Variants in CTNNA2 observed in about 807,000 individuals in gnomAD.
CTNNA2 encodes catenin alpha 2, also known as catenin alpha-2.
A neutral mutation model predicts 101.0 loss-of-function variants in CTNNA2; 42 were observed. The ratio of observed to expected loss-of-function variants is 0.42; its 90% CI spans 0.32 to 0.54. CTNNA2 has a LOEUF of 0.54. Ranked by LOEUF, CTNNA2 falls within the 20% of genes least tolerant of loss-of-function variation. The pLI is 0.14. For synonymous variants in CTNNA2, 450 were observed against 456.4 expected, an observed-to-expected ratio of 0.99 and a Z score of 0.18; for missense variants, 871 against 1,223.1, an observed-to-expected ratio of 0.71 and a Z score of 4.29.
In CTNNA2 at chr2:79,411,321, G is replaced by C. The variant is rs536281859; in HGVS notation, c.-135+37308G>C. ...TTCCTTCAGTTCTGCTCTGATTTTA[G>C]TTATTTCTTGCCTTCTGCTAGCTTT... On this transcript the variant is annotated intron_variant, in intron 4 of 21. Transcript: ENST00000466387. Among the ~76,000 whole-genome samples the C allele has an allele frequency of 1.9e-3, 294 of 151,902 alleles. 2 individuals carry two copies. Among genetic ancestry groups the C allele is most frequent in the African/African-American group, 6.6e-3 (274 of 41,440 alleles).
rs565644275 is a variant in CTNNA2 at position 79,711,296 on chromosome 2, A to G, written c.103-33091A>G. ...TATTGTTGACACTGCATTTTGCTCA[A>G]TGGTGTTGCCTCATCTCTTCTGCTA... On this transcript the variant is annotated intron_variant, in intron 2 of 18. Transcript: ENST00000402739. 5.3e-5 allele frequency among the ~76,000 whole-genome samples: 8 copies of G among 152,276 alleles called. No individual in the cohort carries two copies. In the South Asian group the frequency reaches 1.5e-3, roughly 28 times the overall value.
intron 2 of CTNNA2, among the ~76,000 whole-genome samples, chr2:79,742,499 A>T (rs910864953): frequency 1.3e-5 from 2 of 152,056 alleles, no homozygotes; most frequent in South Asian, 2.1e-4. Context: ...TGCTTAGGGG[A>T]CTTATGTGCT....
intron 6 of CTNNA2, 45 bp downstream of exon 6, chr2:79,874,387 G>GAAAA: frequency 2.0e-6 from 3 of 1,535,410 alleles, no homozygotes; most frequent in Admixed American, 4.1e-5. Flanking sequence ...CACTGGTGTT[G>GAAAA]ACAAAAAAAA....
chr2:80,160,894 GTT>G (rs551552772), intron 7 of CTNNA2, among the ~76,000 whole-genome samples: 2 of 144,770 alleles, frequency 1.4e-5, no homozygotes, highest in Non-Finnish European at 3.0e-5. Context: ...GTTGACTATA[GTT>G]TTTTTTTTTG....
chr2:79,980,224 T>C (rs1691160092), intron 7 of CTNNA2, among the ~76,000 whole-genome samples: 1 of 152,174 alleles, frequency 6.6e-6, no homozygotes, highest in African/African-American at 2.4e-5. Context: ...GGATTTGCAC[T>C]ACATTGGTCC....
chr2:79,406,349 C>T (rs1322496455), intron 4 of CTNNA2, among the ~76,000 whole-genome samples: 2 of 152,022 alleles, frequency 1.3e-5, no homozygotes, highest in African/African-American at 2.4e-5. Flanking sequence ...CACAACTCAA[C>T]ATGCAGGGCA....
chr2:80,431,846 C>A (rs2149426968), intron 9 of CTNNA2, among the ~76,000 whole-genome samples: 1 of 152,170 alleles, frequency 6.6e-6, no homozygotes, highest in South Asian at 2.1e-4. Flanking sequence ...AAATGACATT[C>A]TGTTATTAAC....
chr2:79,641,253 AAAGG>A (rs1265679551), intron 1 of CTNNA2, among the ~76,000 whole-genome samples: 1 of 152,182 alleles, frequency 6.6e-6, no homozygotes, highest in Non-Finnish European at 1.5e-5. Flanking sequence ...CAGTGAGACT[AAAGG>A]AAGGCAGTTT....
At chr2:79,475,546 C>A (rs994766490) in intron 4 of CTNNA2, among the ~76,000 whole-genome samples, 1 of 152,000 alleles carries the variant, frequency 6.6e-6, no homozygotes. Context: ...AAGAGATGAA[C>A]AAATCAAAAT....
rs529211974 is a variant in CTNNA2, at chr2:80,283,252, C to G, written c.1057-109959C>G. 4.6e-5 allele frequency among the ~76,000 whole-genome samples: 7 copies of G among 152,050 alleles called. No homozygotes were observed. In the East Asian group the frequency reaches 1.2e-3, roughly 25 times the overall value. ...AACCCTGTTTGGATTTTGACTCAAA[C>G]AAACTAAAGGTCAGGGTGCAGGGAG... is the stretch of plus-strand genomic sequence containing the variant. On this transcript the variant is annotated intron_variant, in intron 7 of 18. Coordinates refer to ENST00000402739, the MANE Select transcript of CTNNA2 (RefSeq NM_001282597.3).
chr2:80,213,155 A>G (rs890211175), intron 7 of CTNNA2, among the ~76,000 whole-genome samples: 3 of 151,862 alleles, frequency 2.0e-5, no homozygotes, highest in African/African-American at 7.3e-5. Flanking sequence ...TGATCTTTTC[A>G]AAAAACCAGC....
intron 2 of CTNNA2, among the ~76,000 whole-genome samples, chr2:79,236,728 G>A (rs953449497): frequency 3.9e-5 from 6 of 152,170 alleles, no homozygotes; most frequent in African/African-American, 1.2e-4. Flanking sequence ...TTCAATTGAT[G>A]CTGTTGTAGA....
chr2:79,807,455 T>C (rs1400297011), intron 3 of CTNNA2, among the ~76,000 whole-genome samples: 1 of 152,180 alleles, frequency 6.6e-6, no homozygotes, highest in African/African-American at 2.4e-5. Context: ...GCATCTTAAT[T>C]TTAAGCATTT....
intron 3 of CTNNA2, among the ~76,000 whole-genome samples, chr2:79,369,882 T>A (rs1211158191): frequency 2.0e-5 from 3 of 152,222 alleles, no homozygotes; most frequent in Admixed American, 6.5e-5. Context: ...CAGTTATAAT[T>A]GCTAGCGTGT....
chr2:79,900,865 G>A (rs1383499573), intron 6 of CTNNA2, among the ~76,000 whole-genome samples: 1 of 152,134 alleles, frequency 6.6e-6, no homozygotes, highest in Non-Finnish European at 1.5e-5. Flanking sequence ...CATTTACCCT[G>A]ATGTGATTAT....
At chr2:80,433,009 G>A (rs1681682574) in intron 9 of CTNNA2, among the ~76,000 whole-genome samples, 1 of 152,042 alleles carries the variant, frequency 6.6e-6, no homozygotes, top group Non-Finnish European at 1.5e-5. Context: ...TGGGGCAGTA[G>A]AGTACTTTAT....
At chr2:79,881,527 T>A (rs2104119741) in intron 6 of CTNNA2, among the ~76,000 whole-genome samples, 1 of 152,302 alleles carries the variant, frequency 6.6e-6, no homozygotes, top group East Asian at 1.9e-4. Context: ...TTAGAATAGT[T>A]AGCTTTTCTT....
At chr2:80,618,074 T>C (rs990354363) in intron 17 of CTNNA2, among the ~76,000 whole-genome samples, 3 of 151,862 alleles carry the variant, frequency 2.0e-5, no homozygotes, top group Non-Finnish European at 2.9e-5. Flanking sequence ...ATCAATAACT[T>C]TGAGTATTCT....
At chr2:79,468,823 G>A (rs963145630) in intron 4 of CTNNA2, among the ~76,000 whole-genome samples, 5 of 152,166 alleles carry the variant, frequency 3.3e-5, no homozygotes, top group Admixed American at 6.5e-5. Flanking sequence ...GATGTTCTTT[G>A]AAACCAGTGA....
Sources: gnomAD v4.1 joint callset for allele counts (sites outside exome capture counted in the v4.1 genomes callset) on GRCh38, gnomAD v4.1.1 for gene constraint, MANE v1.5 for transcripts, NCBI Gene and HGNC (gene_info 2026-07-23, HGNC 2026-07-21) for gene names.